Variants in PRRC2B observed in about 807,000 individuals in gnomAD.
PRRC2B encodes the protein proline rich coiled-coil 2B.
PRRC2B carries 68 observed loss-of-function variants against 242.3 expected under a neutral mutation model. That is an observed-to-expected ratio of 0.28 (90% CI 0.23 to 0.34). The LOEUF (loss-of-function observed/expected upper bound fraction) is 0.34. PRRC2B is among the 10% of genes least tolerant of loss of function. PRRC2B has a pLI of 1.00. For missense variants in PRRC2B, 2,835 were observed against 2,954.8 expected (o/e 0.96, Z 0.94); for synonymous variants, 1,228 against 1,173.6 (o/e 1.05, Z -0.95).
chr9:131,474,638 G>A lies in PRRC2B; in HGVS notation c.2509G>A (p.Val837Ile), dbSNP rs750955195. 1.5e-5 allele frequency: 24 copies of A among 1,613,854 alleles called. No homozygotes were observed. In the South Asian group the frequency reaches 2.3e-4, roughly 16 times the overall value. Residue 837 changes from valine to isoleucine, a missense_variant, in exon 16 of 32, where the codon GTT becomes ATT. Around this residue, in one of 7 missense-constraint regions of PRRC2B, gnomAD observed 1,536 missense variants for 1,483.1 expected, o/e 1.04. Coordinates refer to ENST00000683519, the MANE Select transcript of PRRC2B (RefSeq NM_013318.4). ...GCTTTTGTTTCCACCCCAAGAAAAT[G>A]TTCAGGATGCAGGTGCTCCTGGGGG... ...QELLFPPQEN[V>I]QDAGAPGGHT...
At chr9:131,463,886 C>T (rs148349013) in intron 11 of PRRC2B, among the ~76,000 whole-genome samples, 3 of 151,242 alleles carry the variant, frequency 2.0e-5, no homozygotes, top group Admixed American at 6.6e-5. Context: ...CCCACGTTGG[C>T]CCCCACAAAG....
At chr9:131,394,549 C>T (rs1836988097) in intron 1 of PRRC2B, among the ~76,000 whole-genome samples, 1 of 149,740 alleles carries the variant, frequency 6.7e-6, no homozygotes, top group Non-Finnish European at 1.5e-5. Flanking sequence ...GTCCAGGGGC[C>T]GCGCGACTCC....
chr9:131,475,715 C>T lies in PRRC2B; in HGVS notation c.3586C>T (p.Arg1196Ter). 2.5e-6 allele frequency: 4 copies of T among 1,613,042 alleles called. No homozygotes were observed. The highest frequency in any genetic ancestry group is 2.5e-6 in the Non-Finnish European group (3 of 1,179,650). ...CCACAGCGGTCTAGATGCCAAGAGC[C>T]GAGGCCCTCGGGCCTTTGGGCGAGC... The part of the protein sequence containing the change: ...EDHSGLDAKS[R>*]GPRAFGRALP... Residue 1196 changes from arginine (R) to a stop codon, truncating the protein, a stop_gained, in exon 16 of 32, where the codon CGA becomes TGA. Transcript: ENST00000683519. LOFTEE classifies it high-confidence loss of function.
chr9:131,450,463 C>T (rs1942877681), intron 9 of PRRC2B, among the ~76,000 whole-genome samples: 1 of 152,132 alleles, frequency 6.6e-6, no homozygotes, highest in African/African-American at 2.4e-5. Flanking sequence ...GACAGGGTTT[C>T]ACCATGTTGG....
At chr9:131,473,237 G>GT (rs1286573496) in intron 14 of PRRC2B, among the ~76,000 whole-genome samples, 2 of 152,166 alleles carry the variant, frequency 1.3e-5, no homozygotes, top group African/African-American at 4.8e-5. Flanking sequence ...CCTGTCCTGA[G>GT]TGTTAAGGAC....
intron 1 of PRRC2B, among the ~76,000 whole-genome samples, chr9:131,396,526 A>G (rs1392520479): frequency 1.3e-5 from 2 of 151,762 alleles, no homozygotes; most frequent in East Asian, 3.9e-4. Flanking sequence ...GGGTTTCACC[A>G]TGTTGGCCAG....
At chr9:131,476,808 G>A (rs981677633) in intron 16 of PRRC2B, among the ~76,000 whole-genome samples, 3 of 150,660 alleles carry the variant, frequency 2.0e-5, no homozygotes, top group Non-Finnish European at 4.4e-5. Flanking sequence ...ATGTGTCCCT[G>A]GAGCCCCGCC....
chr9:131,426,463 C>T lies in PRRC2B; in HGVS notation c.-51-3631C>T, dbSNP rs562669350. 5.3e-5 allele frequency among the ~76,000 whole-genome samples: 8 copies of T among 152,144 alleles called. No homozygotes were observed. In the South Asian group the frequency reaches 1.7e-3, roughly 32 times the overall value. ...AGGATCTCGCTCTGCCCTCAAGAGG[C>T]TTGCAATCTAGCCCACGGAACGATG... On this transcript the variant is annotated intron_variant, in intron 1 of 31. Coordinates refer to ENST00000683519, the MANE Select transcript of PRRC2B (RefSeq NM_013318.4).
intron 1 of PRRC2B, among the ~76,000 whole-genome samples, chr9:131,395,097 TAA>T (rs1379800386): frequency 2.0e-5 from 3 of 151,802 alleles, no homozygotes; most frequent in Non-Finnish European, 4.4e-5. Flanking sequence ...TTCCTCCTTC[TAA>T]ATATCGTGGG....
chr9:131,435,613 TAAAAAAAAAAAAAAA>T (rs66831387), intron 3 of PRRC2B, among the ~76,000 whole-genome samples: 129,831 of 147,512 alleles, frequency 0.88, 57,357 homozygotes, highest in South Asian at 0.97. Context: ...AGACTCCATC[TAAAAAAAAAAAAAAA>T]AAAAAAAAAA....
intron 4 of PRRC2B, among the ~76,000 whole-genome samples, chr9:131,438,310 C>G (rs1838440860): frequency 6.6e-6 from 1 of 152,154 alleles, no homozygotes; most frequent in Admixed American, 6.5e-5. Context: ...TCCTGCTGTT[C>G]TGCATCTGAC....
intron 10 of PRRC2B, among the ~76,000 whole-genome samples, chr9:131,456,442 T>C (rs892979470): frequency 1.4e-4 from 21 of 151,664 alleles, no homozygotes; most frequent in African/African-American, 7.3e-5. Flanking sequence ...CCATCCTGGC[T>C]AACACAGTGA....
intron 1 of PRRC2B, among the ~76,000 whole-genome samples, chr9:131,384,751 C>T (rs781374976): frequency 2.6e-5 from 4 of 151,818 alleles, no homozygotes; most frequent in Non-Finnish European, 5.9e-5. Flanking sequence ...GACGGGGTTT[C>T]ACCATGCTGA....
At position 131,439,042 on chromosome 9, in the gene PRRC2B, G is replaced by A. The variant is rs1588251449; in HGVS notation, c.450G>A (p.Lys150=). ...AGTCATGGGCACAGCTGAATGGAAA[G>A]CCAGTAGGACACGAAGGTGGTAAGT... ...GPKSWAQLNG[K]PVGHEGGLRG... Residue 150 remains lysine (K), a synonymous_variant, in exon 5 of 32, where the codon AAG becomes AAA. Transcript: ENST00000683519. 1.2e-6 allele frequency: 2 copies of A among 1,613,814 alleles called. No individual in the cohort carries two copies. The highest frequency in any genetic ancestry group is 2.2e-5 in the East Asian group (1 of 44,878).
At chr9:131,428,781 A>T (rs1013392386) in intron 1 of PRRC2B, among the ~76,000 whole-genome samples, 2 of 152,034 alleles carry the variant, frequency 1.3e-5, no homozygotes, top group Admixed American at 6.5e-5. Context: ...CTCCCACCTC[A>T]GCCTTCCTGA....
Position 131,488,009 on chromosome 9 carries a change from C to T in PRRC2B, c.6138C>T (p.Ser2046=), listed in dbSNP as rs371558194. 11 of 1,611,806 alleles carry T rather than the reference C, an allele frequency of 6.8e-6. No individual in the cohort carries two copies. Among genetic ancestry groups the T allele is most frequent in the Admixed American group, 6.7e-5 (4 of 59,656 alleles). Residue 2046 remains serine, a synonymous_variant, in exon 28 of 32, where the codon AGC becomes AGT. Transcript: ENST00000683519. ...PQSGSPYQPM[S]GNQALVYEGQ... ...CTGGCTCACCCTACCAGCCCATGAG[C>T]GGGAACCAAGCCCTGGTCTACGAGG... is the stretch of plus-strand genomic sequence containing the variant.
chr9:131,406,870 CCTT>C (rs1380738042), intron 1 of PRRC2B, among the ~76,000 whole-genome samples: 1 of 152,100 alleles, frequency 6.6e-6, no homozygotes, highest in African/African-American at 2.4e-5. Context: ...GAAAGTCATT[CCTT>C]CTTCCCTGCT....
chr9:131,453,141 GGT>G (rs1335411262), intron 9 of PRRC2B, among the ~76,000 whole-genome samples: 3 of 152,120 alleles, frequency 2.0e-5, no homozygotes, highest in Admixed American at 6.5e-5. Context: ...ATGCCTTTCT[GGT>G]GTGTTTCCAC....
chr9:131,434,822 G>A (rs1365803922), intron 3 of PRRC2B, among the ~76,000 whole-genome samples: 1 of 152,052 alleles, frequency 6.6e-6, no homozygotes, highest in Non-Finnish European at 1.5e-5. Context: ...ACCTTCATTC[G>A]GCCATTTCTT....
Sources: allele counts gnomAD v4.1 joint callset (sites outside exome capture counted in the v4.1 genomes callset), GRCh38; gene constraint gnomAD v4.1.1; regional missense constraint gnomAD v4.1.1; transcripts MANE v1.5; gene names NCBI Gene and HGNC (gene_info 2026-07-23, HGNC 2026-07-21).